CIMIP4: variants seen among roughly 807,000 people sequenced by gnomAD.
CIMIP4 encodes the protein ciliary microtubule inner protein 4.
At chr22:37,007,261 C>T in the CIMIP4 span, among the ~76,000 whole-genome samples, 65,333 of 152,008 alleles carry the variant, frequency 0.43, 14,175 homozygotes, top group East Asian at 0.53. Flanking sequence ...AGCATTCTCA[C>T]ATCTGGTAAA....
the CIMIP4 span, chr22:37,001,863 C>T: frequency 6.2e-7 from 1 of 1,603,442 alleles, no homozygotes; most frequent in Non-Finnish European, 8.5e-7. Context: ...AGCTGGTCCA[C>T]CACATTGCTC....
At chr22:36,999,691 A>G in the CIMIP4 span, 50 of 992,742 alleles carry the variant, frequency 5.0e-5, 1 homozygote, top group South Asian at 8.2e-4. Flanking sequence ...AAGCTGACAT[A>G]GAGGACACAT....
chr22:37,002,960 G>A, the CIMIP4 span, among the ~76,000 whole-genome samples: 2 of 152,108 alleles, frequency 1.3e-5, no homozygotes, highest in African/African-American at 4.8e-5. Flanking sequence ...CACAGCCTCC[G>A]CTTCTCTAGG....
At chr22:36,996,147 T>A in the CIMIP4 span, among the ~76,000 whole-genome samples, 2 of 150,346 alleles carry the variant, frequency 1.3e-5, no homozygotes, top group African/African-American at 2.4e-5. Flanking sequence ...GAAAAAAAAA[T>A]GGGAATTGTA....
chr22:37,002,020 C>T, the CIMIP4 span: 12 of 1,612,250 alleles, frequency 7.4e-6, no homozygotes, highest in Admixed American at 3.3e-5. Context: ...TGTTCTCTCT[C>T]GAGGAGGATC....
the CIMIP4 span, among the ~76,000 whole-genome samples, chr22:36,994,775 C>T: frequency 4.0e-5 from 6 of 151,858 alleles, no homozygotes; most frequent in East Asian, 7.7e-4. Context: ...GGACTACAGG[C>T]GCCCGCCACC....
chr22:36,993,704 G>A, the CIMIP4 span, among the ~76,000 whole-genome samples: 1 of 151,574 alleles, frequency 6.6e-6, no homozygotes, highest in African/African-American at 2.4e-5. Context: ...ACTCCAGCCT[G>A]GGCAACAGAG....
the CIMIP4 span, chr22:37,002,352 C>A: frequency 2.8e-6 from 3 of 1,054,856 alleles, no homozygotes; most frequent in Admixed American, 5.4e-5. Context: ...GACACGCAGA[C>A]AAGGGCAGAA....
chr22:36,991,529 A>T, the CIMIP4 span: 15 of 1,614,106 alleles, frequency 9.3e-6, no homozygotes, highest in Admixed American at 1.7e-4. Flanking sequence ...TCCCTCACTG[A>T]TTTCTCAATG....
the CIMIP4 span, among the ~76,000 whole-genome samples, chr22:36,998,850 C>T: frequency 4.6e-5 from 7 of 152,154 alleles, no homozygotes; most frequent in Non-Finnish European, 1.0e-4. Context: ...AAATGATAGC[C>T]TGACAGCTAC....
At chr22:36,991,163 C>T in the CIMIP4 span, 1 of 1,606,028 alleles carries the variant, frequency 6.2e-7, no homozygotes, top group African/African-American at 1.3e-5. Context: ...TAGAAGACAC[C>T]TCTACTGTGT....
chr22:36,997,840 C>T, the CIMIP4 span, among the ~76,000 whole-genome samples: 6 of 152,220 alleles, frequency 3.9e-5, no homozygotes, highest in African/African-American at 1.4e-4. Flanking sequence ...CCATACCAGC[C>T]TCACCAACCT....
chr22:37,005,646 G>A, the CIMIP4 span, among the ~76,000 whole-genome samples: 28 of 152,096 alleles, frequency 1.8e-4, no homozygotes, highest in African/African-American at 6.3e-4. Flanking sequence ...AGAAATAGTG[G>A]AAGAAAGACC....
chr22:37,001,980 A>T, the CIMIP4 span: 1 of 1,613,980 alleles, frequency 6.2e-7, no homozygotes. Context: ...GTCCCCTGGC[A>T]TGGCTGAGCC....
the CIMIP4 span, among the ~76,000 whole-genome samples, chr22:36,996,137 G>A: frequency 6.7e-6 from 1 of 149,778 alleles, no homozygotes; most frequent in African/African-American, 2.5e-5. Flanking sequence ...TTTTTATCTG[G>A]AAAAAAAAAT....
At chr22:37,005,825 T>C in the CIMIP4 span, among the ~76,000 whole-genome samples, 1 of 152,200 alleles carries the variant, frequency 6.6e-6, no homozygotes, top group Non-Finnish European at 1.5e-5. Context: ...AAGAAGGGAC[T>C]GTTAAACAAA....
the CIMIP4 span, among the ~76,000 whole-genome samples, chr22:36,999,596 G>A: frequency 1.9e-4 from 22 of 116,598 alleles, 2 homozygotes; most frequent in African/African-American, 6.0e-4. Context: ...GGGATGGGAG[G>A]GGAGGGACCA....
chr22:36,996,451 T>G, the CIMIP4 span, among the ~76,000 whole-genome samples: 3 of 146,650 alleles, frequency 2.0e-5, no homozygotes, highest in African/African-American at 7.9e-5. Flanking sequence ...AAAAAGAGAT[T>G]CTCCTGAGTA....
At chr22:37,000,012 A>G in the CIMIP4 span, 2,605 of 1,596,482 alleles carry the variant, frequency 1.6e-3, 32 homozygotes, top group African/African-American at 0.03. Context: ...GATGACAGAC[A>G]GGGGATGGAA....
Sources: allele counts gnomAD v4.1 joint callset (sites outside exome capture counted in the v4.1 genomes callset), GRCh38; gene constraint gnomAD v4.1.1; transcripts MANE v1.5; gene names NCBI Gene and HGNC (gene_info 2026-07-23, HGNC 2026-07-21).